The following RALYL variants were observed in gnomAD, a reference collection of about 807,000 sequenced individuals.
RALYL encodes the protein RNA-binding Raly-like protein.
RALYL carries 29 observed loss-of-function variants against 35.1 expected under a neutral mutation model. That is an observed-to-expected ratio of 0.83 (90% confidence interval 0.61 to 1.13). The LOEUF is 1.13. Among genes scored for constraint, RALYL ranks in the 50% most tolerant of loss-of-function variants. The probability of loss-of-function intolerance (pLI) is 0.00; values close to 1 mark genes in which losing one functional copy is unlikely to be tolerated. For missense variants in RALYL, 359 were observed against 360.4 expected (o/e 1.00, Z 0.03); for synonymous variants, 120 against 127.6 (o/e 0.94, Z 0.40).
intron 1 of RALYL, among the ~76,000 whole-genome samples, chr8:84,452,236 T>TA (rs1387755799): frequency 2.6e-5 from 4 of 151,400 alleles, no homozygotes; most frequent in Non-Finnish European, 5.9e-5. Context: ...GATACTACTT[T>TA]TTTTTTTTTT....
intron 1 of RALYL, among the ~76,000 whole-genome samples, chr8:84,358,675 C>T (rs1310446350): frequency 2.6e-5 from 4 of 151,892 alleles, no homozygotes; most frequent in African/African-American, 9.7e-5. Flanking sequence ...TCCTGAAGTG[C>T]ATATGTGAGA....
intron 7 of RALYL, 93 bp from the exon 8 acceptor site, chr8:84,887,511 C>T (rs552995117): frequency 1.6e-5 from 17 of 1,087,324 alleles, no homozygotes; most frequent in African/African-American, 8.0e-5. Context: ...TAGCATATAG[C>T]GTTTACCCTT....
intron 1 of RALYL, among the ~76,000 whole-genome samples, chr8:84,267,645 T>C (rs1317736205): frequency 1.3e-5 from 2 of 152,164 alleles, no homozygotes; most frequent in African/African-American, 2.4e-5. Context: ...TTTAAAACTA[T>C]CTGCTACCAA....
chr8:84,360,142 G>A lies in RALYL; in HGVS notation c.-23-169157G>A, dbSNP rs1296510253. Among the ~76,000 whole-genome samples the A allele has an allele frequency of 2.0e-5, 3 of 152,072 alleles. No homozygotes were observed. In the East Asian group the frequency reaches 5.8e-4, roughly 29 times the overall value. ...CCCACATTGGCCTTCCAAAGTGCTGGGATTACAGGCATGAGCCACCATACC... is the reference window on the plus strand; with the variant it reads ...CCCACATTGGCCTTCCAAAGTGCTGAGATTACAGGCATGAGCCACCATACC... On this transcript the variant is annotated intron_variant, in intron 1 of 8. Transcript: ENST00000521268.
intron 4 of RALYL, among the ~76,000 whole-genome samples, chr8:84,813,670 T>TTAAAG (rs1826430268): frequency 6.6e-6 from 1 of 152,230 alleles, no homozygotes; most frequent in Non-Finnish European, 1.5e-5. Context: ...TGTCAGTGTC[T>TTAAAG]TAAAGTATTT....
chr8:84,717,788 C>T (rs1409735812), intron 2 of RALYL, among the ~76,000 whole-genome samples: 1 of 152,266 alleles, frequency 6.6e-6, no homozygotes, highest in African/African-American at 2.4e-5. Flanking sequence ...TATAGATTGA[C>T]ATTTGGAATA....
At chr8:84,875,580 T>A (rs1275379519) in intron 7 of RALYL, among the ~76,000 whole-genome samples, 1 of 152,150 alleles carries the variant, frequency 6.6e-6, no homozygotes, top group East Asian at 1.9e-4. Context: ...TCTTTAACTT[T>A]TTATGAAGAA....
chr8:84,740,028 G>T (rs1240406066), intron 2 of RALYL, among the ~76,000 whole-genome samples: 4 of 151,698 alleles, frequency 2.6e-5, no homozygotes, highest in South Asian at 2.1e-4. Context: ...AAAGCAGGAA[G>T]AAAAAATAGA....
chr8:84,467,057 C>T (rs1067016), intron 1 of RALYL, among the ~76,000 whole-genome samples: 6,020 of 152,018 alleles, frequency 0.04, 160 homozygotes, highest in Middle Eastern at 0.075. Flanking sequence ...GTCTTGCTAG[C>T]GGTCTATCAA....
intron 2 of RALYL, among the ~76,000 whole-genome samples, chr8:84,673,854 A>G (rs1188907973): frequency 6.6e-6 from 1 of 152,130 alleles, no homozygotes; most frequent in Non-Finnish European, 1.5e-5. Context: ...TTGACTTGAC[A>G]ATTTAGGTTC....
intron 8 of RALYL, among the ~76,000 whole-genome samples, chr8:84,914,794 G>A (rs1399904270): frequency 2.0e-5 from 3 of 151,920 alleles, no homozygotes; most frequent in Non-Finnish European, 2.9e-5. Flanking sequence ...ACAAATCAGG[G>A]AAAAGCAGGT....
Position 84,472,422 on chromosome 8 carries a change from C to T in RALYL, c.-23-56877C>T, listed in dbSNP as rs979050929. On this transcript the variant is annotated intron_variant, in intron 1 of 8. Transcript: ENST00000521268. ...AGAGATGGAGGAAGACTCTAAATAG[C>T]GCCTGAAGAAATGATAGGATTTGGA... Among the ~76,000 whole-genome samples the T allele has an allele frequency of 2.0e-5, 3 of 152,058 alleles. No individual in the cohort carries two copies. In the South Asian group the frequency reaches 6.2e-4, roughly 32 times the overall value.
intron 2 of RALYL, among the ~76,000 whole-genome samples, chr8:84,671,994 A>C (rs1403437109): frequency 6.6e-6 from 1 of 152,188 alleles, no homozygotes; most frequent in African/African-American, 2.4e-5. Context: ...TTCCCTTTTA[A>C]ACATTCCAAA....
chr8:84,241,117 A>T (rs1827761389), intron 1 of RALYL, among the ~76,000 whole-genome samples: 1 of 152,136 alleles, frequency 6.6e-6, no homozygotes, highest in Non-Finnish European at 1.5e-5. Context: ...CACTTAAAAA[A>T]ACATACACAT....
At chr8:84,193,893 A>G (rs1452177224) in intron 1 of RALYL, among the ~76,000 whole-genome samples, 1 of 152,208 alleles carries the variant, frequency 6.6e-6, no homozygotes, top group East Asian at 1.9e-4. Flanking sequence ...GGTAGTGGAT[A>G]TGAAGATATA....
intron 1 of RALYL, among the ~76,000 whole-genome samples, chr8:84,514,091 A>T (rs1415195076): frequency 3.6e-5 from 2 of 55,310 alleles, no homozygotes; most frequent in African/African-American, 1.5e-4. Context: ...GATTTCATCT[A>T]AAAAAAAAAA....
intron 2 of RALYL, among the ~76,000 whole-genome samples, chr8:84,747,282 A>AGT (rs1480315096): frequency 6.6e-6 from 1 of 151,868 alleles, no homozygotes. Context: ...GGTGCTAATA[A>AGT]GTGTGTGTGG....
chr8:84,482,733 G>A (rs117418657), intron 1 of RALYL, among the ~76,000 whole-genome samples: 4,945 of 151,934 alleles, frequency 0.033, 117 homozygotes, highest in Non-Finnish European at 0.052. Context: ...TTTCACCTCC[G>A]TTCTTGTAGA....
intron 1 of RALYL, among the ~76,000 whole-genome samples, chr8:84,338,268 A>G (rs1848182081): frequency 6.6e-6 from 1 of 152,016 alleles, no homozygotes; most frequent in Non-Finnish European, 1.5e-5. Context: ...TTAGTCACAG[A>G]GTGGGACCAT....
Sources: allele counts gnomAD v4.1 joint callset (sites outside exome capture counted in the v4.1 genomes callset), GRCh38; gene constraint gnomAD v4.1.1; transcripts MANE v1.5; gene names NCBI Gene and HGNC (gene_info 2026-07-23, HGNC 2026-07-21).